Variants in CTNNA3 observed in about 807,000 individuals in gnomAD.
CTNNA3 encodes catenin alpha-3.
Under a neutral mutation model 95.7 loss-of-function variants are expected in CTNNA3, and 76 were observed. The ratio of observed to expected loss-of-function variants is 0.79; its 90% CI spans 0.66 to 0.96. CTNNA3 has a LOEUF of 0.96. Among genes scored for constraint, CTNNA3 ranks in the 40% least tolerant of loss-of-function variants. The pLI is 0.00. For missense variants in CTNNA3, 1,191 were observed against 1,089.8 expected (o/e 1.09, Z -1.31); for synonymous variants, 431 against 374.4 (o/e 1.15, Z -1.74).
intron 9 of CTNNA3, among the ~76,000 whole-genome samples, chr10:66,757,631 G>A (rs184725433): frequency 0.012 from 1,770 of 152,236 alleles, 32 homozygotes; most frequent in African/African-American, 0.039. Context: ...GGAATAAGAA[G>A]AAATCTAATC....
chr10:66,466,987 G>A (rs972150936), intron 11 of CTNNA3, among the ~76,000 whole-genome samples: 32 of 151,870 alleles, frequency 2.1e-4, no homozygotes, highest in Middle Eastern at 6.3e-3. Context: ...AATCCTAAAT[G>A]GCAGGGATTC....
At chr10:67,705,136 T>C (rs956041764) in intron 1 of CTNNA3, among the ~76,000 whole-genome samples, 100 of 152,008 alleles carry the variant, frequency 6.6e-4, no homozygotes, top group Non-Finnish European at 1.4e-3. Flanking sequence ...CAACAGGTGC[T>C]GGAGAGGATG....
intron 6 of CTNNA3, among the ~76,000 whole-genome samples, chr10:67,197,385 C>T (rs1324459639): frequency 6.6e-6 from 1 of 151,792 alleles, no homozygotes; most frequent in Non-Finnish European, 1.5e-5. Context: ...TAATGATGTC[C>T]TTTGGGAGAA....
At position 67,646,694 on chromosome 10, in the gene CTNNA3, G is replaced by A. The variant is rs142273208; in HGVS notation, c.99+721C>T. 1.4e-4 allele frequency among the ~76,000 whole-genome samples: 22 copies of A among 152,196 alleles called. No individual in the cohort carries two copies. In the East Asian group the frequency reaches 4.3e-3, roughly 29 times the overall value. Reference sequence around the variant, plus strand: ...TGGGTTCTTTGAGTCCCTAGGAAAAGGGACTTGAATCTTGTATTAGGAGGC... The same window carrying A: ...TGGGTTCTTTGAGTCCCTAGGAAAAAGGACTTGAATCTTGTATTAGGAGGC... On this transcript the variant is annotated intron_variant, in intron 2 of 17. Transcript: ENST00000433211.
rs1846047314 is a variant in CTNNA3 at position 67,429,838 on chromosome 10, T to C, written c.579+92004A>G. On this transcript the variant is annotated intron_variant, in intron 5 of 17. Coordinates refer to ENST00000433211, the MANE Select transcript of CTNNA3 (RefSeq NM_013266.4). Reference sequence around the variant, plus strand: ...ATTATAAATGTTCTCTCAAAGTAAGTAAGCATACCAATTTGGATGCACATG... The same window carrying C: ...ATTATAAATGTTCTCTCAAAGTAAGCAAGCATACCAATTTGGATGCACATG... Among the ~76,000 whole-genome samples the C allele has an allele frequency of 2.0e-5, 3 of 151,868 alleles. 1 individual carries two copies. In the South Asian group the frequency reaches 6.2e-4, roughly 31 times the overall value.
chr10:67,213,830 A>T (rs145527816), intron 6 of CTNNA3, among the ~76,000 whole-genome samples: 1 of 151,838 alleles, frequency 6.6e-6, no homozygotes, highest in Non-Finnish European at 1.5e-5. Context: ...GTATGCTGTC[A>T]ATTTTTGTTA....
chr10:66,687,812 CTCTATAT>C (rs1359918465), intron 9 of CTNNA3, among the ~76,000 whole-genome samples: 3 of 151,860 alleles, frequency 2.0e-5, no homozygotes, highest in African/African-American at 7.3e-5. Context: ...ATCTTCTAGA[CTCTATAT>C]TCTAATGAAA....
intron 10 of CTNNA3, among the ~76,000 whole-genome samples, chr10:66,592,884 C>T (rs1843599162): frequency 6.6e-6 from 1 of 152,028 alleles, no homozygotes; most frequent in African/African-American, 2.4e-5. Flanking sequence ...AGGTAAGCTA[C>T]TGTAATAATA....
At chr10:67,195,033 A>T (rs1863284972) in intron 6 of CTNNA3, among the ~76,000 whole-genome samples, 1 of 151,930 alleles carries the variant, frequency 6.6e-6, no homozygotes, top group Non-Finnish European at 1.5e-5. Flanking sequence ...GGATGGGAAG[A>T]ATCAAAATGT....
intron 7 of CTNNA3, among the ~76,000 whole-genome samples, chr10:67,126,948 G>A (rs562756897): frequency 6.6e-6 from 1 of 152,156 alleles, no homozygotes; most frequent in Non-Finnish European, 1.5e-5. Context: ...TTTTTCTTCT[G>A]TTAGGGAGCA....
At chr10:67,672,601 A>G (rs185030808) in intron 1 of CTNNA3, among the ~76,000 whole-genome samples, 194 of 152,280 alleles carry the variant, frequency 1.3e-3, no homozygotes, top group African/African-American at 4.5e-3. Flanking sequence ...TCCCAGCACC[A>G]TTTATTAAAA....
At chr10:66,333,207 G>GT (rs1430901982) in intron 12 of CTNNA3, among the ~76,000 whole-genome samples, 3 of 151,834 alleles carry the variant, frequency 2.0e-5, no homozygotes, top group Admixed American at 6.6e-5. Context: ...TTTTTGAAGG[G>GT]TTTTTTGTGT....
At chr10:67,375,772 C>T (rs1843664422) in intron 5 of CTNNA3, among the ~76,000 whole-genome samples, 3 of 152,154 alleles carry the variant, frequency 2.0e-5, no homozygotes, top group South Asian at 4.1e-4. Flanking sequence ...ATCCTTCTGG[C>T]TAACAAAACC....
At chr10:67,161,579 A>G (rs544595811) in intron 7 of CTNNA3, among the ~76,000 whole-genome samples, 1 of 152,144 alleles carries the variant, frequency 6.6e-6, no homozygotes, top group East Asian at 1.9e-4. Context: ...TCTAAAGTGT[A>G]TTCAAGTAAC....
At chr10:66,427,374 G>A (rs2093251656) in intron 11 of CTNNA3, among the ~76,000 whole-genome samples, 1 of 151,738 alleles carries the variant, frequency 6.6e-6, no homozygotes, top group East Asian at 1.9e-4. Flanking sequence ...TATTCTGTTA[G>A]TTGTATTTGT....
intron 7 of CTNNA3, among the ~76,000 whole-genome samples, chr10:67,036,436 C>T (rs1189431428): frequency 6.6e-6 from 1 of 152,030 alleles, no homozygotes; most frequent in South Asian, 2.1e-4. Flanking sequence ...AAGGCTGAGG[C>T]GGGCAAATCA....
chr10:66,467,331 C>A (rs1296974654), intron 11 of CTNNA3, among the ~76,000 whole-genome samples: 2 of 152,070 alleles, frequency 1.3e-5, no homozygotes, highest in Non-Finnish European at 2.9e-5. Flanking sequence ...CTGGTCATAA[C>A]AAATAATTCT....
intron 5 of CTNNA3, among the ~76,000 whole-genome samples, chr10:67,465,347 G>A (rs1054038733): frequency 2.0e-5 from 3 of 151,862 alleles, no homozygotes; most frequent in African/African-American, 7.3e-5. Context: ...ATAGAAAGAT[G>A]GTTTCAAAGC....
chr10:67,753,016 C>T (rs1841415495), intron 1 of CTNNA3, among the ~76,000 whole-genome samples: 1 of 152,110 alleles, frequency 6.6e-6, no homozygotes, highest in South Asian at 2.1e-4. Flanking sequence ...ATAGCCAAGA[C>T]AATCCTAAGC....
Sources: gnomAD v4.1 joint callset for allele counts (sites outside exome capture counted in the v4.1 genomes callset) on GRCh38, gnomAD v4.1.1 for gene constraint, MANE v1.5 for transcripts, NCBI Gene and HGNC (gene_info 2026-07-23, HGNC 2026-07-21) for gene names.